Variants in THSD4 observed in about 807,000 individuals in gnomAD.
THSD4 encodes the protein thrombospondin type 1 domain containing 4.
THSD4 carries 69 observed loss-of-function variants against 119.0 expected under a neutral mutation model. That is an observed-to-expected ratio of 0.58 (90% CI 0.48 to 0.71). THSD4 has a LOEUF of 0.71. Ranked by LOEUF, THSD4 falls within the 30% of genes least tolerant of loss-of-function variation. The pLI is 0.00. For synonymous variants in THSD4, 524 were observed against 540.4 expected (o/e 0.97, Z 0.42); for missense variants, 1,393 against 1,391.1 (o/e 1.00, Z -0.02).
chr15:71,202,737 G>A (rs1056808381), intron 3 of THSD4, among the ~76,000 whole-genome samples: 1 of 152,078 alleles, frequency 6.6e-6, no homozygotes, highest in Non-Finnish European at 1.5e-5. Flanking sequence ...ACTCTCTGGC[G>A]CTTCTTGACA....
At chr15:71,218,112 A>G (rs759499279) in intron 4 of THSD4, among the ~76,000 whole-genome samples, 3 of 152,188 alleles carry the variant, frequency 2.0e-5, no homozygotes, top group African/African-American at 7.2e-5. Context: ...TCATGGTCCT[A>G]TAAGAGAGTT....
chr15:71,192,297 T>A (rs765037456), intron 3 of THSD4, among the ~76,000 whole-genome samples: 17 of 152,004 alleles, frequency 1.1e-4, no homozygotes, highest in Non-Finnish European at 2.1e-4. Context: ...ATTTATTTAT[T>A]TATTTATTGA....
At chr15:71,541,380 G>A (rs1257661887) in intron 7 of THSD4, among the ~76,000 whole-genome samples, 2 of 152,204 alleles carry the variant, frequency 1.3e-5, no homozygotes, top group African/African-American at 4.8e-5. Flanking sequence ...AGTGGCTGCA[G>A]TATGAGACAG....
chr15:71,557,219 T>G (rs1265804846), intron 7 of THSD4, among the ~76,000 whole-genome samples: 2 of 152,220 alleles, frequency 1.3e-5, no homozygotes, highest in African/African-American at 4.8e-5. Flanking sequence ...CTGACACATT[T>G]TCTCTATTAA....
intron 8 of THSD4, among the ~76,000 whole-genome samples, chr15:71,714,671 A>G (rs1187558115): frequency 6.6e-6 from 1 of 151,858 alleles, no homozygotes; most frequent in Admixed American, 6.6e-5. Flanking sequence ...ACATGGTGAA[A>G]CCCTGTCTCT....
At chr15:71,548,652 C>T (rs540456279) in intron 7 of THSD4, among the ~76,000 whole-genome samples, 2 of 152,230 alleles carry the variant, frequency 1.3e-5, no homozygotes, top group South Asian at 4.1e-4. Context: ...GGGATTGAGC[C>T]CTTGAATGGG....
At chr15:71,217,807 G>A (rs1366460362) in intron 4 of THSD4, among the ~76,000 whole-genome samples, 1 of 118,884 alleles carries the variant, frequency 8.4e-6, no homozygotes, top group African/African-American at 3.3e-5. Flanking sequence ...TTTTTTTTGA[G>A]ATGTAGTCTG....
chr15:71,436,194 GC>G (rs1566981920), intron 7 of THSD4, among the ~76,000 whole-genome samples: 5 of 152,154 alleles, frequency 3.3e-5, no homozygotes, highest in Non-Finnish European at 7.3e-5. Context: ...GTGGAGATCA[GC>G]TCAGACAATG....
At chr15:71,493,551 A>T (rs1449114047) in intron 7 of THSD4, among the ~76,000 whole-genome samples, 3 of 152,142 alleles carry the variant, frequency 2.0e-5, no homozygotes, top group Non-Finnish European at 4.4e-5. Flanking sequence ...TGTGGGCCAT[A>T]TGACTAGTCT....
chr15:71,195,877 A>C (rs1351198955), intron 3 of THSD4, among the ~76,000 whole-genome samples: 1 of 152,222 alleles, frequency 6.6e-6, no homozygotes, highest in Admixed American at 6.5e-5. Context: ...AATAACCTGC[A>C]AGCTGAGTAC....
intron 7 of THSD4, among the ~76,000 whole-genome samples, chr15:71,447,706 C>T (rs188035652): frequency 6.6e-6 from 1 of 152,316 alleles, no homozygotes; most frequent in African/African-American, 2.4e-5. Flanking sequence ...ATGACATTCT[C>T]CTTGCCACAG....
intron 7 of THSD4, among the ~76,000 whole-genome samples, chr15:71,459,949 C>G (rs2047404489): frequency 6.6e-6 from 1 of 152,164 alleles, no homozygotes; most frequent in Non-Finnish European, 1.5e-5. Flanking sequence ...TTATGCCACA[C>G]TCAACCATAC....
chr15:71,438,258 C>T (rs2047042335), intron 7 of THSD4, among the ~76,000 whole-genome samples: 1 of 152,008 alleles, frequency 6.6e-6, no homozygotes, highest in Non-Finnish European at 1.5e-5. Flanking sequence ...GCTTTTTATG[C>T]ATTAAAGAGA....
intron 8 of THSD4, among the ~76,000 whole-genome samples, chr15:71,727,575 T>TAC (rs2052879319): frequency 2.7e-5 from 1 of 37,144 alleles, no homozygotes; most frequent in African/African-American, 8.0e-5. Flanking sequence ...TATATATATA[T>TAC]ATATATATAT....
intron 8 of THSD4, among the ~76,000 whole-genome samples, chr15:71,662,241 C>T (rs1425485807): frequency 8.2e-6 from 1 of 121,754 alleles, no homozygotes; most frequent in Non-Finnish European, 1.7e-5. Flanking sequence ...TAGTCAAATG[C>T]AGCCAAAACT....
intron 8 of THSD4, among the ~76,000 whole-genome samples, chr15:71,724,317 GCT>G (rs2052792823): frequency 3.0e-5 from 3 of 99,074 alleles, no homozygotes; most frequent in Non-Finnish European, 7.2e-5. Flanking sequence ...ATGGAATTTT[GCT>G]CTGTCACCCA....
chr15:71,267,593 G>T (rs1467833914), intron 6 of THSD4, among the ~76,000 whole-genome samples: 2 of 151,458 alleles, frequency 1.3e-5, no homozygotes, highest in African/African-American at 4.8e-5. Context: ...TAATGACAGG[G>T]TCAGATTCAC....
intron 7 of THSD4, among the ~76,000 whole-genome samples, chr15:71,607,051 G>A (rs1003116234): frequency 6.6e-6 from 1 of 152,186 alleles, no homozygotes; most frequent in African/African-American, 2.4e-5. Context: ...GGGCCACATG[G>A]TAAGTTCCAT....
At chr15:71,614,255 TTCTGTA>T (rs2050283803) in intron 7 of THSD4, among the ~76,000 whole-genome samples, 1 of 152,244 alleles carries the variant, frequency 6.6e-6, no homozygotes, top group Non-Finnish European at 1.5e-5. Flanking sequence ...ATTTACTTCA[TTCTGTA>T]TCCATTCCAG....
Sources: gnomAD v4.1 joint callset for allele counts (sites outside exome capture counted in the v4.1 genomes callset) on GRCh38, gnomAD v4.1.1 for gene constraint, MANE v1.5 for transcripts, NCBI Gene and HGNC (gene_info 2026-07-23, HGNC 2026-07-21) for gene names.